MCTP1: variants seen among roughly 807,000 people sequenced by gnomAD.
MCTP1 encodes the protein multiple C2 and transmembrane domain-containing protein 1.
A neutral mutation model predicts 120.6 loss-of-function variants in MCTP1; 69 were observed. The ratio of observed to expected loss-of-function variants is 0.57; its 90% CI spans 0.47 to 0.70. The LOEUF (loss-of-function observed/expected upper bound fraction) is 0.70, where lower values mean the gene tolerates loss of function less well. Ranked by LOEUF, MCTP1 falls within the 30% of genes least tolerant of loss-of-function variation. The pLI, the probability that MCTP1 is intolerant of heterozygous loss-of-function variation, is 0.00. For missense variants in MCTP1, 1,203 were observed against 1,248.8 expected (o/e 0.96, Z 0.55); for synonymous variants, 529 against 493.1 (o/e 1.07, Z -0.96).
chr5:94,817,262 G>C (rs955723187), intron 17 of MCTP1, among the ~76,000 whole-genome samples: 1 of 152,138 alleles, frequency 6.6e-6, no homozygotes, highest in Admixed American at 6.6e-5. Context: ...AATTAGCTGG[G>C]TGTGGTGGCA....
At chr5:95,211,947 A>G (rs1752432790) in intron 1 of MCTP1, among the ~76,000 whole-genome samples, 1 of 152,120 alleles carries the variant, frequency 6.6e-6, no homozygotes, top group South Asian at 2.1e-4. Context: ...TAATATCACA[A>G]TTAAAAGAAC....
At chr5:95,279,997 T>C (rs1760182676) in intron 1 of MCTP1, among the ~76,000 whole-genome samples, 1 of 152,232 alleles carries the variant, frequency 6.6e-6, no homozygotes, top group Admixed American at 6.5e-5. Context: ...ATAATAGGAA[T>C]TATGTTTTTA....
intron 19 of MCTP1, among the ~76,000 whole-genome samples, chr5:94,777,400 CCATT>C (rs1173243579): frequency 2.6e-5 from 4 of 152,116 alleles, no homozygotes; most frequent in African/African-American, 4.8e-5. Flanking sequence ...AACATCCTCT[CCATT>C]AAAAATGGCC....
At chr5:95,091,792 T>C (rs957717658) in intron 1 of MCTP1, among the ~76,000 whole-genome samples, 2 of 152,212 alleles carry the variant, frequency 1.3e-5, no homozygotes, top group Non-Finnish European at 2.9e-5. Context: ...AAAATGGTAG[T>C]TTTAAGCTGC....
chr5:94,708,312 C>CT, intron 22 of MCTP1, 200 bp downstream of exon 22: 1 of 418,302 alleles, frequency 2.4e-6, no homozygotes, highest in Non-Finnish European at 4.3e-6. Context: ...TGCAACTGCT[C>CT]TTTCTCCCAT....
intron 18 of MCTP1, among the ~76,000 whole-genome samples, chr5:94,791,112 CAAAAAA>C (rs60394333): frequency 6.0e-5 from 6 of 99,662 alleles, no homozygotes; most frequent in African/African-American, 1.6e-4. Context: ...GTCTCTACTA[CAAAAAA>C]AAAAAAAAAA....
rs111334355 is a variant in MCTP1, at chr5:94,941,359, A to G, written c.1061+989T>C. On this transcript the variant is annotated intron_variant, in intron 4 of 22. Coordinates refer to ENST00000515393, the MANE Select transcript of MCTP1 (RefSeq NM_024717.7). The stretch of plus-strand genomic sequence containing the variant: ...ATAGGCTGGAATGAAGGACTTACAG[A>G]AAAAGTACAGGAAAGGCTGCTCTTT... Among the ~76,000 whole-genome samples the G allele has an allele frequency of 3.5e-3, 538 of 152,154 alleles. 9 individuals are homozygous for G. The highest frequency in any genetic ancestry group is 0.012 in the African/African-American group (509 of 41,540).
intron 17 of MCTP1, among the ~76,000 whole-genome samples, chr5:94,811,701 A>G (rs1783462338): frequency 6.6e-6 from 1 of 152,226 alleles, no homozygotes. Flanking sequence ...TTAGTCCGCA[A>G]AACAGATGAG....
At chr5:94,998,094 C>T (rs1223662896) in intron 2 of MCTP1, among the ~76,000 whole-genome samples, 2 of 151,998 alleles carry the variant, frequency 1.3e-5, no homozygotes, top group African/African-American at 4.8e-5. Flanking sequence ...TTGTCTTATG[C>T]AAACTGAAAA....
chr5:95,066,315 T>G (rs1457393100), intron 1 of MCTP1, among the ~76,000 whole-genome samples: 10 of 152,162 alleles, frequency 6.6e-5, no homozygotes, highest in Non-Finnish European at 1.5e-5. Context: ...CTCACTTCAG[T>G]TAGAATGGCT....
At chr5:94,841,716 C>G (rs1475403131) in intron 17 of MCTP1, among the ~76,000 whole-genome samples, 1 of 152,176 alleles carries the variant, frequency 6.6e-6, no homozygotes, top group Admixed American at 6.5e-5. Flanking sequence ...TATATATGCA[C>G]TCATATACAT....
At chr5:94,953,873 A>C (rs1201373378) in intron 2 of MCTP1, among the ~76,000 whole-genome samples, 16 of 85,418 alleles carry the variant, frequency 1.9e-4, no homozygotes, top group African/African-American at 6.7e-4. Flanking sequence ...ATATATACAA[A>C]TATATATGCA....
chr5:94,781,632 T>A (rs1413325345), intron 18 of MCTP1, among the ~76,000 whole-genome samples: 1 of 152,128 alleles, frequency 6.6e-6, no homozygotes, highest in Non-Finnish European at 1.5e-5. Context: ...TTTCAAAAAT[T>A]CAAAATAAGA....
intron 17 of MCTP1, chr5:94,826,192 C>A: frequency 2.5e-6 from 1 of 405,444 alleles, no homozygotes; most frequent in Non-Finnish European, 4.7e-6. Flanking sequence ...CATTATCTGT[C>A]CAAGCAATTT....
intron 19 of MCTP1, among the ~76,000 whole-genome samples, chr5:94,765,818 C>A (rs1772537275): frequency 6.8e-6 from 1 of 148,020 alleles, no homozygotes; most frequent in Non-Finnish European, 1.5e-5. Context: ...GTTAGCAAGA[C>A]TAGCCAAGAG....
chr5:95,256,085 C>A (rs1562281795), intron 1 of MCTP1, among the ~76,000 whole-genome samples: 5 of 152,128 alleles, frequency 3.3e-5, no homozygotes, highest in Admixed American at 2.6e-4. Context: ...CGGGGAGAAC[C>A]CTAGCTTGAT....
chr5:94,961,781 A>G (rs1824266821), intron 2 of MCTP1, among the ~76,000 whole-genome samples: 1 of 152,190 alleles, frequency 6.6e-6, no homozygotes, highest in African/African-American at 2.4e-5. Context: ...AAGTTTGACC[A>G]CATTCTTCTT....
At chr5:95,068,815 C>T (rs1197040456) in intron 1 of MCTP1, 1 of 1,279,266 alleles carries the variant, frequency 7.8e-7, no homozygotes, top group East Asian at 5.7e-5. Context: ...CCTTTCCAAT[C>T]TTACCATACA....
chr5:94,822,225 A>T (rs575147581), intron 17 of MCTP1, among the ~76,000 whole-genome samples: 1 of 152,080 alleles, frequency 6.6e-6, no homozygotes, highest in East Asian at 1.9e-4. Flanking sequence ...CCCACCCTCA[A>T]ACATGCCCTG....
Sources: gnomAD v4.1 joint callset for allele counts (sites outside exome capture counted in the v4.1 genomes callset) on GRCh38, gnomAD v4.1.1 for gene constraint, MANE v1.5 for transcripts, NCBI Gene and HGNC (gene_info 2026-07-23, HGNC 2026-07-21) for gene names.